The following GLIS3 variants were observed in gnomAD, a reference collection of about 807,000 sequenced individuals.
GLIS3 encodes the protein zinc finger protein GLIS3.
A neutral mutation model predicts 78.6 loss-of-function variants in GLIS3; 53 were observed. The observed-to-expected ratio is 0.67, with a 90% CI of 0.54 to 0.85. The LOEUF (loss-of-function observed/expected upper bound fraction) is 0.85. GLIS3 is among the 40% of genes least tolerant of loss of function. The probability of loss-of-function intolerance (pLI) is 0.00; values close to 1 mark genes in which losing one functional copy is unlikely to be tolerated. For missense variants in GLIS3, 1,703 were observed against 1,231.1 expected (o/e 1.38, Z -5.74); for synonymous variants, 684 against 509.9 (o/e 1.34, Z -4.60).
chr9:4,163,463 C>A (rs10448174), intron 2 of GLIS3, among the ~76,000 whole-genome samples: 60,461 of 151,930 alleles, frequency 0.4, 13,678 homozygotes, highest in East Asian at 0.69. Context: ...AATTTGTGAC[C>A]AAACTGAGAC....
chr9:4,037,775 G>A (rs1434891411), intron 4 of GLIS3, among the ~76,000 whole-genome samples: 2 of 152,092 alleles, frequency 1.3e-5, no homozygotes, highest in Admixed American at 1.3e-4. Flanking sequence ...TAATTAATTT[G>A]CAGTATCTCT....
At chr9:4,053,401 C>A (rs1345530609) in intron 4 of GLIS3, among the ~76,000 whole-genome samples, 2 of 152,136 alleles carry the variant, frequency 1.3e-5, no homozygotes, top group Non-Finnish European at 2.9e-5. Context: ...TCCTCCCACC[C>A]CAGGCACTTT....
At chr9:4,187,493 C>T (rs1028723063) in intron 2 of GLIS3, among the ~76,000 whole-genome samples, 1 of 151,914 alleles carries the variant, frequency 6.6e-6, no homozygotes, top group Non-Finnish European at 1.5e-5. Context: ...TTTTTTGGTT[C>T]CATATGAACT....
chr9:4,153,813 T>C (rs59299258), intron 2 of GLIS3, among the ~76,000 whole-genome samples: 7,757 of 152,286 alleles, frequency 0.051, 627 homozygotes, highest in African/African-American at 0.17. Flanking sequence ...TACTGCTACA[T>C]AGCAAACCAC....
chr9:4,411,423 C>T, the GLIS3 span, among the ~76,000 whole-genome samples: 4 of 152,122 alleles, frequency 2.6e-5, no homozygotes, highest in African/African-American at 7.2e-5. Context: ...ACAGATGACC[C>T]ATAATGTTCT....
At chr9:4,182,244 T>G (rs1817395553) in intron 2 of GLIS3, among the ~76,000 whole-genome samples, 1 of 152,174 alleles carries the variant, frequency 6.6e-6, no homozygotes, top group Non-Finnish European at 1.5e-5. Flanking sequence ...TGAGCAGTAG[T>G]GTGTAAAAAA....
At chr9:4,442,100 G>A in the GLIS3 span, among the ~76,000 whole-genome samples, 3 of 152,146 alleles carry the variant, frequency 2.0e-5, no homozygotes, top group Non-Finnish European at 4.4e-5. Flanking sequence ...TTAGATGGGA[G>A]ACTTTTCACT....
At chr9:4,190,303 A>T (rs549192596) in intron 2 of GLIS3, among the ~76,000 whole-genome samples, 1 of 152,190 alleles carries the variant, frequency 6.6e-6, no homozygotes, top group Non-Finnish European at 1.5e-5. Context: ...AGACGAATGT[A>T]TAACTAGAAT....
chr9:4,362,461 G>T, the GLIS3 span, among the ~76,000 whole-genome samples: 1 of 152,162 alleles, frequency 6.6e-6, no homozygotes, highest in African/African-American at 2.4e-5. Flanking sequence ...TGTAGTTGAT[G>T]ACCACACGCT....
At chr9:4,223,447 T>A (rs1389774959) in intron 2 of GLIS3, among the ~76,000 whole-genome samples, 1 of 152,188 alleles carries the variant, frequency 6.6e-6, no homozygotes, top group South Asian at 2.1e-4. Flanking sequence ...AAACAAACCA[T>A]ACAGAGCCAA....
At chr9:4,205,621 C>T (rs564828189) in intron 2 of GLIS3, among the ~76,000 whole-genome samples, 1 of 152,310 alleles carries the variant, frequency 6.6e-6, no homozygotes, top group African/African-American at 2.4e-5. Flanking sequence ...GAAGCCAAAA[C>T]ATGGATGTGG....
intron 2 of GLIS3, among the ~76,000 whole-genome samples, chr9:4,198,823 G>C (rs7020952): frequency 0.14 from 21,703 of 152,058 alleles, 2,135 homozygotes; most frequent in African/African-American, 0.27. Flanking sequence ...AAAAGGTCAG[G>C]TCACATACAA....
intron 2 of GLIS3, among the ~76,000 whole-genome samples, chr9:4,245,858 G>C (rs1391651919): frequency 1.3e-5 from 2 of 152,156 alleles, no homozygotes; most frequent in African/African-American, 4.8e-5. Context: ...CAACTGACTA[G>C]CAAAGTAGGT....
Position 3,898,692 on chromosome 9 carries a change from T to C in GLIS3, c.2127A>G (p.Ser709=). The C allele has an allele frequency of 6.2e-7, 1 of 1,614,066 alleles. No individual in the cohort carries two copies. Among genetic ancestry groups the C allele is most frequent in the Non-Finnish European group, 8.5e-7 (1 of 1,179,992 alleles). ...RSPGPGPDLY[S]APIFSSNYSS... is the part of the protein sequence containing the mutation. ...TGGCTCTGCCTTTGCTGTCTTTACC[T>C]GAATAGAGGTCAGGCCCGGGTCCAG... The change falls in exon 7 of 11, where the codon TCA becomes TCG. Residue 709 remains serine (S), a splice_region_variant and synonymous_variant. Transcript: ENST00000381971.
chr9:3,932,691 T>C (rs1330458008), intron 5 of GLIS3: 6 of 495,100 alleles, frequency 1.2e-5, no homozygotes, highest in African/African-American at 3.9e-5. Context: ...GCCCTATCCT[T>C]GATGATTTCT....
intron 4 of GLIS3, among the ~76,000 whole-genome samples, chr9:4,052,242 G>A (rs989871046): frequency 7.2e-5 from 11 of 151,994 alleles, no homozygotes; most frequent in African/African-American, 2.2e-4. Flanking sequence ...GGTACATTTC[G>A]TTTTCAGGAT....
chr9:4,338,644 G>C (rs1019325942), intron 2 of GLIS3, among the ~76,000 whole-genome samples: 9 of 152,208 alleles, frequency 5.9e-5, no homozygotes, highest in African/African-American at 1.7e-4. Flanking sequence ...TCTGCATGAA[G>C]TTTGGGGACA....
the GLIS3 span, among the ~76,000 whole-genome samples, chr9:4,408,417 G>C: frequency 7.2e-6 from 1 of 138,296 alleles, no homozygotes; most frequent in Admixed American, 7.7e-5. Flanking sequence ...GGTGGGGATG[G>C]TTAATGGATA....
Position 3,963,567 on chromosome 9 carries a change from G to A in GLIS3, c.1711-26378C>T, listed in dbSNP as rs147552304. ...CAGAGTAAAAGTCAGCTCTGTGCAC[G>A]GGGACCATCCTCTAATGCAGAGACC... On this transcript the variant is annotated intron_variant, in intron 4 of 10. Transcript: ENST00000381971. Among the ~76,000 whole-genome samples, 920 of 152,258 alleles carry A rather than the reference G, an allele frequency of 6.0e-3. 3 individuals are homozygous for A. Among genetic ancestry groups the A allele is most frequent in the Non-Finnish European group, 8.6e-3 (588 of 68,026 alleles).
Sources: allele counts gnomAD v4.1 joint callset (sites outside exome capture counted in the v4.1 genomes callset), GRCh38; gene constraint gnomAD v4.1.1; transcripts MANE v1.5; gene names NCBI Gene and HGNC (gene_info 2026-07-23, HGNC 2026-07-21).